MTA1: variants seen among roughly 807,000 people sequenced by gnomAD.
The protein encoded by MTA1 is metastasis-associated protein MTA1.
Under a neutral mutation model 97.0 loss-of-function variants are expected in MTA1, and 15 were observed. The observed-to-expected ratio is 0.15, with a 90% CI of 0.10 to 0.24. MTA1 has a LOEUF of 0.24. Among genes scored for constraint, MTA1 ranks in the 10% least tolerant of loss-of-function variants. MTA1 has a pLI of 1.00. For missense variants in MTA1, 709 were observed against 1,015.1 expected, an observed-to-expected ratio of 0.70 and a Z score of 4.10; for synonymous variants, 435 against 417.5, an observed-to-expected ratio of 1.04 and a Z score of -0.51.
intron 2 of MTA1, among the ~76,000 whole-genome samples, chr14:105,444,790 T>TA (rs201104877): frequency 0.079 from 9,755 of 123,732 alleles, 1,028 homozygotes; most frequent in African/African-American, 0.29. Context: ...GACCCCATCT[T>TA]AAAAAAAAAA....
rs140228335 is a variant in MTA1 at position 105,428,704 on chromosome 14, A to G, written c.28+8641A>G. Among the ~76,000 whole-genome samples the G allele has an allele frequency of 7.4e-3, 1,007 of 135,826 alleles. 15 individuals are homozygous for G. The highest frequency in any genetic ancestry group is 0.026 in the African/African-American group (946 of 36,066). 89.1% of individuals were successfully genotyped at this position (135,826 alleles called of 152,430 possible). Reference sequence around the variant, plus strand: ...GGCTTGTTAATTTCTACAGAAACCAAAAAGAAGTGTTTCTTTTTTTTTTTT... The same window carrying G: ...GGCTTGTTAATTTCTACAGAAACCAGAAAGAAGTGTTTCTTTTTTTTTTTT... On this transcript the variant is annotated intron_variant, in intron 1 of 20. Coordinates refer to ENST00000331320, the MANE Select transcript of MTA1 (RefSeq NM_004689.4).
intron 2 of MTA1, among the ~76,000 whole-genome samples, chr14:105,440,554 G>T (rs948523963): frequency 1.5e-4 from 23 of 152,258 alleles, no homozygotes; most frequent in African/African-American, 5.1e-4. Flanking sequence ...GCGTGTGCAG[G>T]CAGGGGGCTG....
chr14:105,454,094 G>A (rs1555429287), intron 6 of MTA1, 99 bp from the exon 7 acceptor site: 6 of 875,310 alleles, frequency 6.9e-6, no homozygotes, highest in Non-Finnish European at 1.1e-5. Context: ...AGAGCTCTGG[G>A]CAAGACCCTC....
At chr14:105,449,939 A>C in intron 4 of MTA1, 119 bp from the exon 5 acceptor site, 1 of 1,415,772 alleles carries the variant, frequency 7.1e-7, no homozygotes, top group Non-Finnish European at 9.7e-7. Context: ...CAGCAGGAGG[A>C]GGCACGCCTC....
rs2083449716 is a variant in MTA1, at chr14:105,463,691, C to G, written c.1076+140C>G. The G allele has an allele frequency of 4.9e-6, 4 of 821,336 alleles. No individual in the cohort carries two copies. The highest frequency in any genetic ancestry group is 7.8e-6 in the Non-Finnish European group (4 of 511,314). 50.9% of individuals were successfully genotyped at this position (821,336 alleles called of 1,614,324 possible). A position where few individuals can be genotyped will look rare whatever the true frequency, so the allele number is the denominator to read the frequency against. On this transcript the variant is annotated intron_variant, in intron 12 of 20. Coordinates refer to ENST00000331320, the MANE Select transcript of MTA1 (RefSeq NM_004689.4). The surrounding 1 kb of genome is among the most constrained non-coding windows in gnomAD (Gnocchi z 5.9). ...TTGGGGCAGCCCCCGGGAGGGCGGC[C>G]CAGGGCTGGGGGGTTCTGGCTGCAG...
chr14:105,426,188 G>A (rs782064536), intron 1 of MTA1, among the ~76,000 whole-genome samples: 13 of 152,192 alleles, frequency 8.5e-5, no homozygotes, highest in Non-Finnish European at 1.8e-4. Flanking sequence ...AGGGGACCAC[G>A]CGTCCCTTCC....
At chr14:105,441,810 A>G (rs1362309357) in intron 2 of MTA1, among the ~76,000 whole-genome samples, 3 of 152,152 alleles carry the variant, frequency 2.0e-5, no homozygotes, top group Non-Finnish European at 2.9e-5. Flanking sequence ...ATAAAAAAGT[A>G]AAAAAGGAAC....
intron 1 of MTA1, among the ~76,000 whole-genome samples, chr14:105,421,173 G>T (rs1445786498): frequency 6.6e-6 from 1 of 152,124 alleles, no homozygotes; most frequent in Non-Finnish European, 1.5e-5. Flanking sequence ...AGCAGCTCTG[G>T]GCCTCCCCTG....
intron 10 of MTA1, among the ~76,000 whole-genome samples, chr14:105,462,435 G>A (rs2083392408): frequency 6.6e-6 from 1 of 152,088 alleles, no homozygotes; most frequent in Non-Finnish European, 1.5e-5. Flanking sequence ...CGGGCATGGT[G>A]GCAGGCTCCT....
rs782322050 is a variant in MTA1, at chr14:105,469,948, C to T, written c.1953C>T (p.Ile651=). The T allele has an allele frequency of 2.2e-5, 35 of 1,612,376 alleles. No individual in the cohort carries two copies. The South Asian group carries it at 3.2e-4, about 15-fold the overall frequency. Residue 651 remains isoleucine (I), a synonymous_variant, in exon 20 of 21, where the codon ATC becomes ATT. Coordinates refer to ENST00000331320, the MANE Select transcript of MTA1 (RefSeq NM_004689.4). ...PPVKRRRMNW[I]DAPDDVFYMA... ...TCAAGCGGCGGCGGATGAACTGGAT[C>T]GACGCCCCGGATGACGTGTTCTACA...
intron 3 of MTA1, chr14:105,449,086 A>C: frequency 2.3e-6 from 1 of 440,070 alleles, no homozygotes; most frequent in East Asian, 4.0e-5. Context: ...GAGTGGGGGC[A>C]GGGGTGGCCT....
intron 3 of MTA1, 181 bp from the exon 4 acceptor site, chr14:105,449,178 G>T (rs587683573): frequency 3.6e-4 from 202 of 564,830 alleles, no homozygotes; most frequent in Non-Finnish European, 5.4e-4. Context: ...CAGCCAGAGT[G>T]GGGGGACGTC....
intron 2 of MTA1, among the ~76,000 whole-genome samples, chr14:105,440,733 G>T (rs1166081736): frequency 1.3e-5 from 2 of 152,254 alleles, no homozygotes; most frequent in Non-Finnish European, 2.9e-5. Flanking sequence ...CTACTCTCTT[G>T]GACTGTTCAG....
intron 7 of MTA1, 54 bp downstream of exon 7, chr14:105,454,364 G>A (rs1295468374): frequency 6.2e-6 from 8 of 1,281,002 alleles, no homozygotes; most frequent in Non-Finnish European, 9.1e-6. Flanking sequence ...GTCCTGCCGG[G>A]TGACACACTG....
At chr14:105,446,612 C>T (rs184347021) in intron 3 of MTA1, among the ~76,000 whole-genome samples, 7 of 152,358 alleles carry the variant, frequency 4.6e-5, no homozygotes, top group African/African-American at 7.2e-5. Context: ...ATCCTGCCAC[C>T]GATGCCTTGT....
chr14:105,441,838 G>A (rs1331916189), intron 2 of MTA1, among the ~76,000 whole-genome samples: 3 of 152,114 alleles, frequency 2.0e-5, no homozygotes, highest in Non-Finnish European at 4.4e-5. Flanking sequence ...AAGGGCCAGT[G>A]CAGGGAACAG....
intron 1 of MTA1, among the ~76,000 whole-genome samples, chr14:105,421,903 A>G (rs2081849814): frequency 1.3e-5 from 2 of 151,440 alleles, no homozygotes; most frequent in African/African-American, 4.9e-5. Flanking sequence ...TGACCCACGC[A>G]CTCCAGTGCT....
chr14:105,425,937 T>C (rs1192146024), intron 1 of MTA1, among the ~76,000 whole-genome samples: 1 of 151,282 alleles, frequency 6.6e-6, no homozygotes, highest in Admixed American at 6.6e-5. Context: ...GCAGCGCACC[T>C]GAGGGGTCTG....
intron 1 of MTA1, among the ~76,000 whole-genome samples, chr14:105,435,173 G>T (rs1391575133): frequency 2.6e-5 from 4 of 152,218 alleles, no homozygotes; most frequent in African/African-American, 7.2e-5. Context: ...GTTTAATAGC[G>T]TATGTGTTGG....
Sources: allele counts gnomAD v4.1 joint callset (sites outside exome capture counted in the v4.1 genomes callset), GRCh38; gene constraint gnomAD v4.1.1; non-coding constraint Gnocchi (gnomAD v3.1); transcripts MANE v1.5; gene names NCBI Gene and HGNC (gene_info 2026-07-23, HGNC 2026-07-21).